The following ZNF536 variants were observed in gnomAD, a reference collection of about 807,000 sequenced individuals.
ZNF536 encodes the protein zinc finger protein 536.
In ZNF536, 13 loss-of-function variants were observed where a neutral mutation model predicts 84.5. The observed-to-expected ratio is 0.15, with a 90% CI of 0.10 to 0.24. ZNF536 has a LOEUF of 0.24. Among genes scored for constraint, ZNF536 ranks in the 10% least tolerant of loss-of-function variants. The probability of loss-of-function intolerance (pLI) is 1.00; values close to 1 mark genes in which losing one functional copy is unlikely to be tolerated. For missense variants in ZNF536, 1,536 were observed against 1,747.5 expected, an observed-to-expected ratio of 0.88 and a Z score of 2.16; for synonymous variants, 811 against 742.5, an observed-to-expected ratio of 1.09 and a Z score of -1.50.
At chr19:30,416,591 C>G (rs965531863) in intron 1 of ZNF536, among the ~76,000 whole-genome samples, 2 of 151,930 alleles carry the variant, frequency 1.3e-5, no homozygotes, top group African/African-American at 4.8e-5. Flanking sequence ...TGGGACTCAC[C>G]CACCTCCTCC....
intron 3 of ZNF536, among the ~76,000 whole-genome samples, chr19:30,354,834 G>C (rs1465298739): frequency 1.3e-5 from 2 of 152,190 alleles, no homozygotes; most frequent in East Asian, 3.8e-4. Context: ...TAGACCACAG[G>C]CTTCTTGGGC....
At position 30,310,953 on chromosome 19, in the gene ZNF536, C is replaced by T. The variant is rs560556114; in HGVS notation, c.-120+26812C>T. ...AGCCCTCCTGGGCGACTCAGGGCCCCGGCTCCCTTGCCCGTGGGTTTTTGT... is the reference window on the plus strand; with the variant it reads ...AGCCCTCCTGGGCGACTCAGGGCCCTGGCTCCCTTGCCCGTGGGTTTTTGT... On this transcript the variant is annotated intron_variant, in intron 2 of 5. Transcript: ENST00000585628. 2.1e-3 allele frequency among the ~76,000 whole-genome samples: 327 copies of T among 152,312 alleles called. 6 individuals are homozygous for T. Among genetic ancestry groups the T allele is most frequent in the Middle Eastern group, 3.4e-3 (1 of 294 alleles).
intron 1 of ZNF536, among the ~76,000 whole-genome samples, chr19:30,410,041 G>T (rs1480051638): frequency 6.6e-6 from 1 of 151,446 alleles, no homozygotes. Flanking sequence ...TCTTCTAATT[G>T]TTTCTTCGAA....
At chr19:30,547,918 T>C (rs748059152) in intron 3 of ZNF536, 25 bp from the exon 4 acceptor site, 2 of 1,513,378 alleles carry the variant, frequency 1.3e-6, no homozygotes, top group Admixed American at 2.3e-5. Context: ...ACGCCTCTTT[T>C]TTTTCTTATA....
At chr19:30,263,493 A>G (rs2025335298) in intron 1 of ZNF536, among the ~76,000 whole-genome samples, 1 of 152,152 alleles carries the variant, frequency 6.6e-6, no homozygotes, top group Non-Finnish European at 1.5e-5. Context: ...AAGGATGGAA[A>G]TGAAAGATAA....
intron 1 of ZNF536, among the ~76,000 whole-genome samples, chr19:30,419,389 A>G (rs1231901429): frequency 2.6e-5 from 4 of 152,192 alleles, no homozygotes; most frequent in Non-Finnish European, 5.9e-5. Flanking sequence ...GTCATAGTTT[A>G]TAAATGTTTT....
At chr19:30,566,866 G>A (rs1358806998) in intron 1 of ZNF536, among the ~76,000 whole-genome samples, 1 of 151,774 alleles carries the variant, frequency 6.6e-6, no homozygotes, top group Admixed American at 6.6e-5. Flanking sequence ...TCTTTGGGTA[G>A]TGGAAGTCCC....
At chr19:30,245,635 G>A (rs569515405) in intron 1 of ZNF536, among the ~76,000 whole-genome samples, 7 of 152,336 alleles carry the variant, frequency 4.6e-5, no homozygotes, top group East Asian at 3.9e-4. Context: ...CGAGGTCGCC[G>A]TGATGGAAGT....
At position 30,445,876 on chromosome 19, in the gene ZNF536, C is replaced by G. The variant is rs1165005765; in HGVS notation, c.2170+144C>G. On this transcript the variant is annotated intron_variant, in intron 2 of 4. Transcript: ENST00000355537. This position sits in a 1 kb window ranked among gnomAD's most constrained non-coding sequence, Gnocchi z 4.5. ...GGGTGGGTTGGACACTGGGCCATGC[C>G]TTTCTTTCCCCCCCTGACTGGAGGG... 8.7e-7 allele frequency: 1 copy of G among 1,155,644 alleles called. No homozygotes were observed. Among genetic ancestry groups the G allele is most frequent in the Non-Finnish European group, 1.2e-6 (1 of 856,430 alleles). 71.6% of individuals were successfully genotyped at this position (1,155,644 alleles called of 1,614,324 possible).
chr19:30,306,501 T>G (rs1193112485), intron 2 of ZNF536, among the ~76,000 whole-genome samples: 1 of 152,240 alleles, frequency 6.6e-6, no homozygotes, highest in Non-Finnish European at 1.5e-5. Context: ...ATAGAGCTAA[T>G]GAAAGCTGTC....
intron 3 of ZNF536, among the ~76,000 whole-genome samples, chr19:30,357,946 G>A (rs2048151804): frequency 1.3e-5 from 2 of 152,184 alleles, no homozygotes; most frequent in Non-Finnish European, 2.9e-5. Context: ...GGCTAAGTCT[G>A]TGCCCAGAAG....
At chr19:30,636,630 C>A (rs1482869244) in intron 1 of ZNF536, among the ~76,000 whole-genome samples, 1 of 152,150 alleles carries the variant, frequency 6.6e-6, no homozygotes, top group African/African-American at 2.4e-5. Flanking sequence ...GAGATCTAGG[C>A]AAGGTCCCAC....
intron 2 of ZNF536, among the ~76,000 whole-genome samples, chr19:30,466,272 T>C (rs1196582341): frequency 6.6e-6 from 1 of 151,756 alleles, no homozygotes; most frequent in African/African-American, 2.4e-5. Context: ...CTGGACACCA[T>C]GGCTCACGTC....
intron 2 of ZNF536, among the ~76,000 whole-genome samples, chr19:30,340,864 A>T (rs1242340787): frequency 6.6e-6 from 1 of 152,166 alleles, no homozygotes; most frequent in Admixed American, 6.5e-5. Context: ...AGAGAGAGAG[A>T]GAGAGGGTTC....
chr19:30,475,338 T>C (rs2053801277), intron 2 of ZNF536, among the ~76,000 whole-genome samples: 2 of 152,286 alleles, frequency 1.3e-5, no homozygotes, highest in African/African-American at 4.8e-5. Context: ...TCATGGTGGC[T>C]CACGTCTATA....
At chr19:30,493,979 TAAC>T (rs923643355) in intron 2 of ZNF536, among the ~76,000 whole-genome samples, 4 of 152,114 alleles carry the variant, frequency 2.6e-5, no homozygotes, top group Non-Finnish European at 4.4e-5. Context: ...GCTACTAAAA[TAAC>T]AACAATAGTT....
At chr19:30,603,534 T>G (rs2047765971) in intron 1 of ZNF536, among the ~76,000 whole-genome samples, 2 of 152,248 alleles carry the variant, frequency 1.3e-5, no homozygotes, top group African/African-American at 2.4e-5. Flanking sequence ...GGTATTCATT[T>G]TATTGCTACT....
intron 1 of ZNF536, among the ~76,000 whole-genome samples, chr19:30,383,633 CCTTT>C (rs1270518527): frequency 1.4e-5 from 2 of 139,466 alleles, no homozygotes; most frequent in African/African-American, 2.6e-5. Context: ...TTTCTTTCTT[CCTTT>C]CTTCCTTCCT....
At chr19:30,647,055 A>G (rs1179856821) in intron 1 of ZNF536, among the ~76,000 whole-genome samples, 1 of 152,168 alleles carries the variant, frequency 6.6e-6, no homozygotes, top group Non-Finnish European at 1.5e-5. Context: ...GAGTCAGTGC[A>G]CAAAAGCTTT....
Sources: allele counts gnomAD v4.1 joint callset (sites outside exome capture counted in the v4.1 genomes callset), GRCh38; gene constraint gnomAD v4.1.1; non-coding constraint Gnocchi (gnomAD v3.1); transcripts MANE v1.5; gene names NCBI Gene and HGNC (gene_info 2026-07-23, HGNC 2026-07-21).